The following EIPR1 variants were observed in gnomAD, a reference collection of about 807,000 sequenced individuals.
EIPR1 encodes EARP complex and GARP complex interacting protein 1.
A neutral mutation model predicts 48.1 loss-of-function variants in EIPR1; 25 were observed. The observed-to-expected ratio is 0.52, with a 90% CI of 0.38 to 0.73. The LOEUF (loss-of-function observed/expected upper bound fraction) is 0.73. EIPR1 is among the 30% of genes least tolerant of loss of function. The pLI, the probability that EIPR1 is intolerant of heterozygous loss-of-function variation, is 0.00. For synonymous variants in EIPR1, 204 were observed against 201.9 expected, an observed-to-expected ratio of 1.01 and a Z score of -0.09; for missense variants, 415 against 506.2, an observed-to-expected ratio of 0.82 and a Z score of 1.73.
At chr2:3,225,635 CTTTT>C (rs376420053) in intron 4 of EIPR1, among the ~76,000 whole-genome samples, 4 of 151,960 alleles carry the variant, frequency 2.6e-5, no homozygotes, top group Non-Finnish European at 4.4e-5. Flanking sequence ...AGTTAACTCC[CTTTT>C]TTTTGTCATG....
At chr2:3,352,365 ATCC>A (rs1670603612) in intron 2 of EIPR1, among the ~76,000 whole-genome samples, 1 of 151,456 alleles carries the variant, frequency 6.6e-6, no homozygotes, top group Non-Finnish European at 1.5e-5. Context: ...CCCCTGAGCC[ATCC>A]ACACTGTCTG....
chr2:3,250,419 C>T (rs1237906307), intron 4 of EIPR1, among the ~76,000 whole-genome samples: 1 of 152,206 alleles, frequency 6.6e-6, no homozygotes, highest in Non-Finnish European at 1.5e-5. Context: ...GCCTGCACCC[C>T]CATTGTAATT....
At chr2:3,210,834 TC>T (rs1305481913) in intron 5 of EIPR1, among the ~76,000 whole-genome samples, 1 of 152,104 alleles carries the variant, frequency 6.6e-6, no homozygotes, top group Non-Finnish European at 1.5e-5. Context: ...AGACGGGGTT[TC>T]ACCACGTTGG....
intron 5 of EIPR1, among the ~76,000 whole-genome samples, chr2:3,198,514 T>C (rs544000417): frequency 6.6e-6 from 1 of 152,190 alleles, no homozygotes; most frequent in Non-Finnish European, 1.5e-5. Flanking sequence ...AAAGCCACCA[T>C]CCTTGCAGAG....
intron 3 of EIPR1, among the ~76,000 whole-genome samples, chr2:3,306,041 G>A (rs981921312): frequency 1.3e-4 from 20 of 152,140 alleles, no homozygotes; most frequent in Non-Finnish European, 2.4e-4. Flanking sequence ...GTAAAGCCAC[G>A]CCTTTTACAA....
chr2:3,208,082 G>T (rs1665296708), intron 5 of EIPR1: 1 of 157,044 alleles, frequency 6.4e-6, no homozygotes, highest in Non-Finnish European at 1.4e-5. Context: ...ATTTCAGAAT[G>T]TCTTTTTATG....
intron 4 of EIPR1, among the ~76,000 whole-genome samples, chr2:3,255,511 A>G (rs899972791): frequency 6.6e-6 from 1 of 152,224 alleles, no homozygotes; most frequent in Non-Finnish European, 1.5e-5. Flanking sequence ...AAGTCTATGT[A>G]GGTATGATGC....
chr2:3,327,862 T>C (rs1669745887), intron 3 of EIPR1, among the ~76,000 whole-genome samples: 1 of 102,302 alleles, frequency 9.8e-6, no homozygotes, highest in Non-Finnish European at 1.7e-5. Flanking sequence ...CTATCCTGTA[T>C]TTTTTTTTTC....
At chr2:3,228,838 G>A (rs901634406) in intron 4 of EIPR1, among the ~76,000 whole-genome samples, 2 of 152,170 alleles carry the variant, frequency 1.3e-5, no homozygotes, top group Non-Finnish European at 2.9e-5. Context: ...TGTGAAGAAG[G>A]TGCCTGCTTC....
In EIPR1 at chr2:3,286,615, G is replaced by A. The variant is rs987164361; in HGVS notation, c.260-29160C>T. On this transcript the variant is annotated intron_variant, in intron 3 of 8. Transcript: ENST00000382125. This position sits in a 1 kb window ranked among gnomAD's most constrained non-coding sequence, Gnocchi z 4.2. ...ATATGTCATATGCAGTGTGCTCCAG[G>A]GGAGCAGGGGATCTCACAGTCCAGA... Among the ~76,000 whole-genome samples the A allele has an allele frequency of 1.3e-5, 2 of 152,238 alleles. No individual in the cohort carries two copies. Among genetic ancestry groups the A allele is most frequent in the African/African-American group, 4.8e-5 (2 of 41,460 alleles).
At chr2:3,201,318 C>T (rs1258058054) in intron 5 of EIPR1, among the ~76,000 whole-genome samples, 2 of 152,178 alleles carry the variant, frequency 1.3e-5, no homozygotes, top group South Asian at 2.1e-4. Flanking sequence ...GCCAGGCACT[C>T]GCCAGGAACA....
At chr2:3,369,281 C>T (rs1166920076) in intron 1 of EIPR1, among the ~76,000 whole-genome samples, 3 of 152,196 alleles carry the variant, frequency 2.0e-5, no homozygotes, top group South Asian at 4.1e-4. Context: ...GGAACAGCTC[C>T]GGTCTAGAGC....
At chr2:3,370,081 G>A (rs1213467291) in intron 1 of EIPR1, among the ~76,000 whole-genome samples, 3 of 152,158 alleles carry the variant, frequency 2.0e-5, no homozygotes, top group Admixed American at 6.5e-5. Context: ...CGCGGATCAC[G>A]AAAATCCGCG....
intron 3 of EIPR1, among the ~76,000 whole-genome samples, chr2:3,297,413 G>A (rs527818757): frequency 6.6e-6 from 1 of 152,338 alleles, no homozygotes; most frequent in African/African-American, 2.4e-5. Flanking sequence ...GCAGATGGTG[G>A]GCATTTGCCC....
intron 3 of EIPR1, among the ~76,000 whole-genome samples, chr2:3,301,999 C>T (rs1668775772): frequency 6.6e-6 from 1 of 152,206 alleles, no homozygotes; most frequent in African/African-American, 2.4e-5. Flanking sequence ...GGCGGAGAGA[C>T]TGCCAGATGC....
intron 1 of EIPR1, among the ~76,000 whole-genome samples, chr2:3,366,343 C>T (rs900872682): frequency 8.6e-5 from 13 of 152,026 alleles, no homozygotes; most frequent in Admixed American, 7.2e-4. Context: ...GAGAAAAATG[C>T]AAAGCAGAAC....
intron 3 of EIPR1, among the ~76,000 whole-genome samples, chr2:3,313,190 C>T (rs1026016117): frequency 2.6e-5 from 4 of 152,154 alleles, no homozygotes; most frequent in Non-Finnish European, 4.4e-5. Flanking sequence ...AGCCACCCAC[C>T]CCTTAGACAC....
At chr2:3,279,928 C>T (rs116837632) in intron 3 of EIPR1, among the ~76,000 whole-genome samples, 2,096 of 152,358 alleles carry the variant, frequency 0.014, 45 homozygotes, top group African/African-American at 0.048. Flanking sequence ...TACTAGTCAC[C>T]GCAGCGCAGC....
intron 2 of EIPR1, among the ~76,000 whole-genome samples, chr2:3,349,047 T>C (rs1670489809): frequency 6.6e-6 from 1 of 152,212 alleles, no homozygotes. Context: ...AGACACGGCA[T>C]GGCAACAGCA....
Sources: allele counts gnomAD v4.1 joint callset (sites outside exome capture counted in the v4.1 genomes callset), GRCh38; gene constraint gnomAD v4.1.1; non-coding constraint Gnocchi (gnomAD v3.1); transcripts MANE v1.5; gene names NCBI Gene and HGNC (gene_info 2026-07-23, HGNC 2026-07-21).